OR7E24: variants seen among roughly 807,000 people sequenced by gnomAD.
OR7E24 encodes olfactory receptor family 7 subfamily E member 24.
For missense variants in OR7E24, 385 were observed against 410.3 expected, an observed-to-expected ratio of 0.94 and a Z score of 0.53; for synonymous variants, 130 against 157.5, an observed-to-expected ratio of 0.83 and a Z score of 1.31.
chr19:9,244,291 A>C (rs1265587952), upstream of OR7E24, among the ~76,000 whole-genome samples: 1 of 152,222 alleles, frequency 6.6e-6, no homozygotes, highest in Non-Finnish European at 1.5e-5. Context: ...CCTGGTTTCC[A>C]AATAAACTAC....
Position 9,251,740 on chromosome 19 carries a change from C to T in OR7E24, c.697C>T (p.Leu233Phe). The change falls in exon 1 of 1, where the codon CTT (leucine) becomes TTT (phenylalanine). Residue 233 changes from leucine to phenylalanine, a missense_variant. Transcript: ENST00000456448. ...TGGCTGTCTCCCTATCTCAGGGATC[C>T]TTTTCTCTTACTATAAAATTGTTTC... Reference protein sequence around the residue: ...IFGCLPISGILFSYYKIVSPI... With the variant: ...IFGCLPISGIFFSYYKIVSPI... 1 of 1,612,144 alleles carries T rather than the reference C, an allele frequency of 6.2e-7. No homozygotes were observed. Among genetic ancestry groups the T allele is most frequent in the Non-Finnish European group, 8.5e-7 (1 of 1,179,026 alleles).
At chr19:9,239,625 C>T in the OR7E24 span, among the ~76,000 whole-genome samples, 2 of 151,610 alleles carry the variant, frequency 1.3e-5, no homozygotes, top group Admixed American at 6.6e-5. Context: ...TATTCAGATC[C>T]TTTGTCTATT....
the OR7E24 span, among the ~76,000 whole-genome samples, chr19:9,225,890 T>C: frequency 6.6e-6 from 1 of 152,188 alleles, no homozygotes; most frequent in South Asian, 2.1e-4. Flanking sequence ...GCTTTATTCA[T>C]GGTGGAAACA....
chr19:9,237,358 T>C, the OR7E24 span, among the ~76,000 whole-genome samples: 1 of 152,158 alleles, frequency 6.6e-6, no homozygotes, highest in Admixed American at 6.5e-5. Context: ...TCCCCCAGGC[T>C]GGAGTGCAGT....
chr19:9,229,999 C>T, the OR7E24 span, among the ~76,000 whole-genome samples: 1 of 151,586 alleles, frequency 6.6e-6, no homozygotes, highest in Non-Finnish European at 1.5e-5. Context: ...GAGTAATAAG[C>T]CTAGACAGTC....
the OR7E24 span, among the ~76,000 whole-genome samples, chr19:9,234,469 G>A: frequency 1.8e-3 from 270 of 152,176 alleles, 3 homozygotes; most frequent in African/African-American, 6.2e-3. Context: ...AAAAATAAAC[G>A]TACACTTAGA....
the OR7E24 span, chr19:9,214,269 G>C: frequency 1.2e-6 from 2 of 1,614,058 alleles, no homozygotes; most frequent in African/African-American, 1.3e-5. Flanking sequence ...GAGGGTGTTA[G>C]AGCAGGCCAC....
chr19:9,207,917 GTC>G, the OR7E24 span: 2 of 152,082 alleles, frequency 1.3e-5, no homozygotes, highest in South Asian at 2.1e-4. Context: ...TTCAGTTACT[GTC>G]TCTGTTACCA....
chr19:9,230,752 T>C, the OR7E24 span, among the ~76,000 whole-genome samples: 1 of 152,236 alleles, frequency 6.6e-6, no homozygotes, highest in African/African-American at 2.4e-5. Flanking sequence ...CACAGTGCCA[T>C]GTAAAAAATA....
the OR7E24 span, among the ~76,000 whole-genome samples, chr19:9,240,843 A>G: frequency 6.6e-6 from 1 of 152,128 alleles, no homozygotes; most frequent in African/African-American, 2.4e-5. Context: ...TTTGAGACAC[A>G]GTCTCTCTCT....
At chr19:9,241,671 G>A in the OR7E24 span, among the ~76,000 whole-genome samples, 18 of 152,148 alleles carry the variant, frequency 1.2e-4, no homozygotes, top group Non-Finnish European at 2.2e-4. Context: ...GACTGAGGCA[G>A]GAGAATTGCT....
the OR7E24 span, chr19:9,236,113 T>C: frequency 8.7e-7 from 1 of 1,149,680 alleles, no homozygotes; most frequent in Non-Finnish European, 1.3e-6. Flanking sequence ...AAGAGGATGC[T>C]ATGGGTCCCT....
In OR7E24 at chr19:9,252,006, G is replaced by T; in HGVS notation, c.963G>T (p.Arg321Ser). 6.2e-7 allele frequency: 1 copy of T among 1,614,124 alleles called. No homozygotes were observed. The change falls in exon 1 of 1, where the codon AGG becomes AGT. Residue 321 changes from arginine (R) to serine (S), a missense_variant. Transcript: ENST00000456448. ...RNKDIQSALCRLHGRIIKSHH... is the reference protein window; with the variant it reads ...RNKDIQSALCSLHGRIIKSHH... ...AGGACATTCAAAGTGCCCTGTGCAG[G>T]CTGCATGGCAGAATCATCAAATCTC...
chr19:9,218,086 G>A, the OR7E24 span, among the ~76,000 whole-genome samples: 1 of 152,256 alleles, frequency 6.6e-6, no homozygotes, highest in South Asian at 2.1e-4. Context: ...CAGTGGTTGC[G>A]ATTGTTTTGT....
At chr19:9,206,942 A>T in the OR7E24 span, 18 of 152,244 alleles carry the variant, frequency 1.2e-4, no homozygotes, top group African/African-American at 4.3e-4. Flanking sequence ...ATTTACTTGA[A>T]CCTGTGTGGG....
the OR7E24 span, chr19:9,209,412 A>G: frequency 1.3e-5 from 2 of 152,186 alleles, no homozygotes; most frequent in African/African-American, 4.8e-5. Flanking sequence ...CTATTATTAC[A>G]TTGAGGAAGT....
chr19:9,233,439 G>A, the OR7E24 span, among the ~76,000 whole-genome samples: 3,056 of 152,234 alleles, frequency 0.02, 83 homozygotes, highest in African/African-American at 0.069. Context: ...TGGAAAGCAC[G>A]TACACACGAG....
the OR7E24 span, among the ~76,000 whole-genome samples, chr19:9,223,528 C>A: frequency 6.6e-6 from 1 of 152,142 alleles, no homozygotes; most frequent in African/African-American, 2.4e-5. Flanking sequence ...CCAGGTGGTC[C>A]CACCACCTCA....
chr19:9,232,215 C>T, the OR7E24 span, among the ~76,000 whole-genome samples: 2 of 152,120 alleles, frequency 1.3e-5, no homozygotes, highest in South Asian at 4.2e-4. Context: ...GAGGCTCCAT[C>T]TTCCTTTTGT....
Sources: allele counts gnomAD v4.1 joint callset (sites outside exome capture counted in the v4.1 genomes callset), GRCh38; gene constraint gnomAD v4.1.1; transcripts MANE v1.5; gene names NCBI Gene and HGNC (gene_info 2026-07-23, HGNC 2026-07-21).